The following FOXP2 variants were observed in gnomAD, a reference collection of about 807,000 sequenced individuals.
The protein encoded by FOXP2 is forkhead box protein P2.
A neutral mutation model predicts 115.8 loss-of-function variants in FOXP2; 12 were observed. The observed-to-expected ratio is 0.10, with a 90% confidence interval of 0.07 to 0.17. The LOEUF is 0.17. Among genes scored for constraint, FOXP2 ranks in the 10% least tolerant of loss-of-function variants. The pLI is 1.00. For synonymous variants in FOXP2, 328 were observed against 297.7 expected, an observed-to-expected ratio of 1.10 and a Z score of -1.05; for missense variants, 629 against 843.5, an observed-to-expected ratio of 0.75 and a Z score of 3.15.
chr7:114,492,637 A>G (rs991775502), intron 2 of FOXP2, among the ~76,000 whole-genome samples: 8 of 152,068 alleles, frequency 5.3e-5, no homozygotes, highest in African/African-American at 1.7e-4. Context: ...GTGTCAAAGA[A>G]CATCTTTATT....
At chr7:114,640,708 A>G (rs1252846742) in intron 6 of FOXP2, among the ~76,000 whole-genome samples, 3 of 152,104 alleles carry the variant, frequency 2.0e-5, no homozygotes, top group Non-Finnish European at 4.4e-5. Flanking sequence ...TTACATCACT[A>G]TAGTATCTAA....
chr7:114,151,231 A>G (rs1324638624), intron 1 of FOXP2, among the ~76,000 whole-genome samples: 1 of 152,068 alleles, frequency 6.6e-6, no homozygotes, highest in Non-Finnish European at 1.5e-5. Context: ...AGGCAAAATC[A>G]TAATTAAACA....
At chr7:114,325,384 C>G (rs1266146589) in intron 2 of FOXP2, among the ~76,000 whole-genome samples, 1 of 151,672 alleles carries the variant, frequency 6.6e-6, no homozygotes, top group Non-Finnish European at 1.5e-5. Flanking sequence ...AACATTTTTT[C>G]TCTAAAAAAT....
intron 2 of FOXP2, among the ~76,000 whole-genome samples, chr7:114,466,475 T>C (rs369303647): frequency 9.7e-4 from 147 of 152,310 alleles, no homozygotes; most frequent in African/African-American, 3.4e-3. Context: ...CACCTCAGCT[T>C]GGTTCTTCAG....
At chr7:114,120,859 C>A (rs1791544901) in intron 1 of FOXP2, among the ~76,000 whole-genome samples, 2 of 151,974 alleles carry the variant, frequency 1.3e-5, no homozygotes, top group Non-Finnish European at 2.9e-5. Flanking sequence ...AAGGGCATAG[C>A]AAGAATTTAA....
At chr7:114,179,914 A>T (rs1793414463) in intron 1 of FOXP2, among the ~76,000 whole-genome samples, 1 of 151,936 alleles carries the variant, frequency 6.6e-6, no homozygotes, top group Non-Finnish European at 1.5e-5. Context: ...TCTGGACTGT[A>T]ACTCCTGTGT....
chr7:114,474,798 G>T (rs60844110), intron 2 of FOXP2, among the ~76,000 whole-genome samples: 1 of 152,066 alleles, frequency 6.6e-6, no homozygotes, highest in East Asian at 1.9e-4. Context: ...ACATGTCATT[G>T]CCTGAGCTTC....
chr7:114,551,616 C>G (rs565030471), intron 3 of FOXP2, among the ~76,000 whole-genome samples: 1 of 151,678 alleles, frequency 6.6e-6, no homozygotes, highest in Non-Finnish European at 1.5e-5. Flanking sequence ...GAAAACAAGT[C>G]TGAGGTAAGT....
At chr7:114,246,883 T>A (rs534984980) in intron 1 of FOXP2, among the ~76,000 whole-genome samples, 2 of 152,276 alleles carry the variant, frequency 1.3e-5, no homozygotes, top group South Asian at 4.1e-4. Flanking sequence ...ACACTTTCAT[T>A]AAGATTCGCC....
At chr7:114,534,455 G>A (rs570234421) in intron 2 of FOXP2, among the ~76,000 whole-genome samples, 162 bp from the exon 3 acceptor site, 1 of 151,760 alleles carries the variant, frequency 6.6e-6, no homozygotes, top group South Asian at 2.1e-4. Context: ...ATATATGTGT[G>A]TTTGGCAATT....
At chr7:114,283,279 G>A (rs1039004193) in intron 1 of FOXP2, among the ~76,000 whole-genome samples, 1 of 152,136 alleles carries the variant, frequency 6.6e-6, no homozygotes, top group Non-Finnish European at 1.5e-5. Context: ...TATTAAAACA[G>A]TATTTAAAAT....
At chr7:114,363,449 C>G (rs534327226) in intron 2 of FOXP2, among the ~76,000 whole-genome samples, 1 of 151,844 alleles carries the variant, frequency 6.6e-6, no homozygotes, top group Non-Finnish European at 1.5e-5. Context: ...TGGCATAAGG[C>G]GAGTGTCTTA....
intron 1 of FOXP2, among the ~76,000 whole-genome samples, chr7:114,152,724 G>C (rs536734125): frequency 6.6e-6 from 1 of 152,166 alleles, no homozygotes; most frequent in Admixed American, 6.6e-5. Context: ...TTGGAGGGAG[G>C]GTAGAGAAGC....
At position 114,248,534 on chromosome 7, in the gene FOXP2, C is replaced by T. The variant is rs146292654; in HGVS notation, c.-101-39485C>T. On this transcript the variant is annotated intron_variant, in intron 1 of 17. Coordinates refer to the FOXP2 transcript ENST00000634411. Reference sequence around the variant, plus strand: ...TTGTGACTGGAAAATTTGACTTGTGCCATTTAGTTTAGAATGTGTGAATTT... The same window carrying T: ...TTGTGACTGGAAAATTTGACTTGTGTCATTTAGTTTAGAATGTGTGAATTT... Among the ~76,000 whole-genome samples the T allele has an allele frequency of 5.7e-3, 867 of 152,152 alleles. 6 individuals are homozygous for T. The highest frequency in any genetic ancestry group is 0.02 in the African/African-American group (816 of 41,506).
intron 2 of FOXP2, among the ~76,000 whole-genome samples, chr7:114,520,410 A>G (rs1399842130): frequency 3.3e-5 from 5 of 152,198 alleles, no homozygotes; most frequent in Non-Finnish European, 7.4e-5. Flanking sequence ...TGAAAAAACA[A>G]AAAGACTTAA....
chr7:114,239,830 A>T (rs1795107040), intron 1 of FOXP2, among the ~76,000 whole-genome samples: 1 of 152,212 alleles, frequency 6.6e-6, no homozygotes, highest in Non-Finnish European at 1.5e-5. Context: ...GACTAAGTTT[A>T]AATTTTATTA....
At chr7:114,086,458 C>T (rs1799418195), upstream of FOXP2, 1 of 342,496 alleles carries the variant, frequency 2.9e-6, no homozygotes, top group East Asian at 1.5e-4. Context: ...CGTCCGCTGG[C>T]TGCGGCTTCC....
At chr7:114,476,596 T>C (rs921877593) in intron 2 of FOXP2, among the ~76,000 whole-genome samples, 1 of 152,058 alleles carries the variant, frequency 6.6e-6, no homozygotes, top group African/African-American at 2.4e-5. Context: ...TTACTTTGGC[T>C]ATTCAGGCTC....
intron 1 of FOXP2, among the ~76,000 whole-genome samples, chr7:114,256,078 T>A (rs190624572): frequency 1.3e-4 from 20 of 152,258 alleles, no homozygotes; most frequent in Non-Finnish European, 2.6e-4. Context: ...TTTTAATCAT[T>A]GCCATTCTGA....
Sources: gnomAD v4.1 joint callset for allele counts (sites outside exome capture counted in the v4.1 genomes callset) on GRCh38, gnomAD v4.1.1 for gene constraint, MANE v1.5 for transcripts, NCBI Gene and HGNC (gene_info 2026-07-23, HGNC 2026-07-21) for gene names.